The following FER1L5 variants were observed in gnomAD, a reference collection of about 807,000 sequenced individuals.
FER1L5 encodes fer-1-like protein 5.
In FER1L5, 187 loss-of-function variants were observed where a neutral mutation model predicts 279.9. That is an observed-to-expected ratio of 0.67 (90% confidence interval 0.59 to 0.75). The LOEUF (loss-of-function observed/expected upper bound fraction) is 0.75. Ranked by LOEUF, FER1L5 falls within the 30% of genes least tolerant of loss-of-function variation. The probability of loss-of-function intolerance (pLI) is 0.00; values close to 1 mark genes in which losing one functional copy is unlikely to be tolerated. For synonymous variants in FER1L5, 921 were observed against 989.7 expected, an observed-to-expected ratio of 0.93 and a Z score of 1.30; for missense variants, 2,091 against 2,594.4, an observed-to-expected ratio of 0.81 and a Z score of 4.21.
intron 18 of FER1L5, among the ~76,000 whole-genome samples, chr2:96,671,673 G>A (rs755307582): frequency 5.3e-5 from 8 of 152,236 alleles, no homozygotes; most frequent in Non-Finnish European, 1.2e-4. Context: ...AGGAGAGTAG[G>A]TGGAATGAAA....
At chr2:96,646,647 G>C (rs955470861) in intron 2 of FER1L5, among the ~76,000 whole-genome samples, 194 bp downstream of exon 2, 8 of 152,122 alleles carry the variant, frequency 5.3e-5, no homozygotes, top group Non-Finnish European at 1.2e-4. Context: ...ACCTGCCCAC[G>C]ACTGTTCGTG....
At chr2:96,669,241 C>T in intron 17 of FER1L5, 104 bp downstream of exon 17, 1 of 1,132,818 alleles carries the variant, frequency 8.8e-7, no homozygotes, top group South Asian at 1.6e-5. Context: ...TGGTTTCTGT[C>T]CCTCGGGGTC....
At position 96,692,170 on chromosome 2, in the gene FER1L5, T is replaced by A; in HGVS notation, c.3281T>A (p.Leu1094Gln). The A allele has an allele frequency of 6.4e-7, 1 of 1,551,622 alleles. No homozygotes were observed. Among genetic ancestry groups the A allele is most frequent in the Non-Finnish European group, 8.7e-7 (1 of 1,146,958 alleles). ...QARNLVSNQI[L>Q]TFQGPFIRVV... ...CGGAACCTGGTGTCCAATCAGATCC[T>A]GACATTCCAAGGTAGGTGGCAGGCA... Residue 1094 changes from leucine (L) to glutamine (Q), a missense_variant, in exon 31 of 53, where the codon CTG (leucine) becomes CAG (glutamine). Leu to Gln is a moderately radical substitution (Grantham distance 113). Transcript: ENST00000624922.
Position 96,682,529 on chromosome 2 carries a change from T to C in FER1L5, c.1670-1798T>C, listed in dbSNP as rs116429137. On this transcript the variant is annotated intron_variant, in intron 19 of 52. Transcript: ENST00000624922. ...TGGGCATATACAGGAGCGGAGTTGA[T>C]GGGTTAGGACTATGTACACTGGTTC... is the stretch of plus-strand genomic sequence containing the variant. 9.9e-4 allele frequency among the ~76,000 whole-genome samples: 151 copies of C among 152,322 alleles called. 2 individuals carry two copies. Among genetic ancestry groups the C allele is most frequent in the East Asian group, 3.1e-3 (16 of 5,182 alleles).
At chr2:96,675,124 A>AT (rs2076465151) in intron 19 of FER1L5, among the ~76,000 whole-genome samples, 1 of 152,212 alleles carries the variant, frequency 6.6e-6, no homozygotes, top group African/African-American at 2.4e-5. Context: ...TGTGTACTGC[A>AT]GTTCATTTTC....
At chr2:96,690,614 A>G (rs1204445687) in intron 27 of FER1L5, 25 bp downstream of exon 27, 4 of 1,543,162 alleles carry the variant, frequency 2.6e-6, no homozygotes, top group African/African-American at 2.7e-5. Context: ...CAGGGTTGGG[A>G]TCGGGAGAGA....
rs995879417 is a variant in FER1L5 at position 96,673,099 on chromosome 2, A to G, written c.1514A>G (p.Tyr505Cys). ...RIEKHQNRQK[Y>C]GLCVIFLSCT... is the part of the protein sequence containing the mutation. Reference sequence around the variant, plus strand: ...CAGAAGCACCAGAACCGCCAAAAGTATGGGCTGTGCGTCATCTTCCTTTCC... The same window carrying G: ...CAGAAGCACCAGAACCGCCAAAAGTGTGGGCTGTGCGTCATCTTCCTTTCC... The change falls in exon 19 of 53, where the codon TAT (tyrosine) becomes TGT (cysteine). Residue 505 changes from tyrosine (Y) to cysteine (C), a missense_variant. By Grantham distance (194) the Tyr-to-Cys change is radical. Coordinates refer to ENST00000624922, the MANE Select transcript of FER1L5 (RefSeq NM_001293083.2). 2.6e-6 allele frequency: 4 copies of G among 1,551,400 alleles called. No homozygotes were observed. Among genetic ancestry groups the G allele is most frequent in the East Asian group, 2.4e-5 (1 of 40,930 alleles).
chr2:96,698,659 T>TC lies in FER1L5; in HGVS notation c.4357-6dup. The TC allele has an allele frequency of 2.5e-6, 4 of 1,568,680 alleles. No individual in the cohort carries two copies. The highest frequency in any genetic ancestry group is 1.7e-6 in the Non-Finnish European group (2 of 1,156,700). On this transcript the variant is annotated splice_polypyrimidine_tract_variant and intron_variant, in intron 40 of 52. Transcript: ENST00000624922. This position sits in a 1 kb window ranked among gnomAD's most constrained non-coding sequence, Gnocchi z 5.5. ...CTGCCAGGCTGGGCCCCCAACACCCTCCCCCCGCCAGGGCCTTTTCCGCAT... is the reference window on the plus strand; with the variant it reads ...CTGCCAGGCTGGGCCCCCAACACCCTCCCCCCCGCCAGGGCCTTTTCCGCAT...
intron 19 of FER1L5, among the ~76,000 whole-genome samples, chr2:96,682,590 C>A (rs1016271481): frequency 6.6e-6 from 1 of 152,240 alleles, no homozygotes; most frequent in Non-Finnish European, 1.5e-5. Context: ...TGTGGGCATT[C>A]TCTGAGGTCT....
chr2:96,668,998 AC>A, intron 16 of FER1L5, 30 bp downstream of exon 16: 1 of 1,550,784 alleles, frequency 6.4e-7, no homozygotes, highest in East Asian at 2.4e-5. Context: ...CACTTCCTAC[AC>A]CCCTCGTCCT....
At chr2:96,669,217 C>G in intron 17 of FER1L5, 80 bp downstream of exon 17, 1 of 1,365,014 alleles carries the variant, frequency 7.3e-7, no homozygotes, top group South Asian at 1.4e-5. Flanking sequence ...GGACGTGCCC[C>G]GAGGCCCCGG....
At chr2:96,661,907 G>A in intron 12 of FER1L5, 116 bp downstream of exon 12, 1 of 1,420,112 alleles carries the variant, frequency 7.0e-7, no homozygotes, top group Non-Finnish European at 9.5e-7. Flanking sequence ...TTGGGGTAGG[G>A]GGGACAGGGT....
rs760653199 is a variant in FER1L5, at chr2:96,696,068, G to T, written c.4074G>T (p.Lys1358Asn). Residue 1358 changes from lysine to asparagine, a missense_variant, in exon 37 of 53, where the codon AAG (lysine) becomes AAT (asparagine). Transcript: ENST00000624922. ...HPKLPTLSEK[K>N]HQDFLGYLYR... ...CCCGCACAGCGCTGTCTGAGAAGAA[G>T]CACCAAGACGTAAGTAAGGGCTGCA... 1.2e-6 allele frequency: 2 copies of T among 1,613,884 alleles called. No individual in the cohort carries two copies. Among genetic ancestry groups the T allele is most frequent in the African/African-American group, 1.3e-5 (1 of 75,064 alleles).
chr2:96,691,565 A>T lies in FER1L5; in HGVS notation c.3028A>T (p.Asn1010Tyr). ...CTGCTGGCGCCGCAGGCTGGCCCCC[A>T]ACAAGGACAAGGGCATCGCGCCCAT... is the stretch of plus-strand genomic sequence containing the variant. ...RRCWRRRLAPNKDKGIAPIFL... is the reference protein window; with the variant it reads ...RRCWRRRLAPYKDKGIAPIFL... The change falls in exon 29 of 53, where the codon AAC (asparagine) becomes TAC (tyrosine). Residue 1010 changes from asparagine to tyrosine, a missense_variant. By Grantham distance (143) the Asn-to-Tyr change is moderately radical. Coordinates refer to ENST00000624922, the MANE Select transcript of FER1L5 (RefSeq NM_001293083.2). This position sits in a 1 kb window ranked among gnomAD's most constrained non-coding sequence, Gnocchi z 6.0. 1 of 1,548,546 alleles carries T rather than the reference A, an allele frequency of 6.5e-7. No individual in the cohort carries two copies. The highest frequency in any genetic ancestry group is 8.7e-7 in the Non-Finnish European group (1 of 1,145,768).
At chr2:96,692,252 C>T (rs909454948) in intron 31 of FER1L5, 71 bp downstream of exon 31, 30 of 1,506,440 alleles carry the variant, frequency 2.0e-5, no homozygotes, top group Admixed American at 3.9e-5. Flanking sequence ...TGTGTTCCTG[C>T]AGCAGCCAAG....
intron 6 of FER1L5, among the ~76,000 whole-genome samples, chr2:96,651,253 T>TTC (rs1491013387): frequency 1.6e-5 from 2 of 127,842 alleles, no homozygotes; most frequent in South Asian, 5.0e-4. Context: ...CTTTCTTTCT[T>TTC]TCTTTCTTTC....
At chr2:96,643,359 A>T (rs1010924344) in intron 1 of FER1L5, among the ~76,000 whole-genome samples, 33 of 151,586 alleles carry the variant, frequency 2.2e-4, no homozygotes, top group Admixed American at 2.0e-3. Flanking sequence ...TTTATTTTTT[A>T]TTTTTTTTGA....
In FER1L5 at chr2:96,694,168, A is replaced by G. The variant is rs2077269254; in HGVS notation, c.3636+96A>G. ...GGGGGCCAACTCCACCCTGTCAGGA[A>G]ATGCCTGGGGCCCAGGATCCCGAGC... On this transcript the variant is annotated intron_variant, in intron 33 of 52. Transcript: ENST00000624922. The surrounding 1 kb of genome is among the most constrained non-coding windows in gnomAD (Gnocchi z 4.6). 1.5e-5 allele frequency: 21 copies of G among 1,446,206 alleles called. No individual in the cohort carries two copies. In the South Asian group the frequency reaches 3.0e-4, roughly 20 times the overall value. 89.6% of individuals were successfully genotyped at this position (1,446,206 alleles called of 1,614,324 possible).
chr2:96,673,097 G>A lies in FER1L5; in HGVS notation c.1512G>A (p.Lys504=), dbSNP rs1407927959. 2.6e-6 allele frequency: 4 copies of A among 1,551,428 alleles called. No individual in the cohort carries two copies. In the East Asian group the frequency reaches 9.8e-5, roughly 38 times the overall value. The change falls in exon 19 of 53, where the codon AAG becomes AAA. Residue 504 remains lysine, a synonymous_variant. Coordinates refer to ENST00000624922, the MANE Select transcript of FER1L5 (RefSeq NM_001293083.2). ...TRIEKHQNRQ[K]YGLCVIFLSC... ...TTCAGAAGCACCAGAACCGCCAAAA[G>A]TATGGGCTGTGCGTCATCTTCCTTT...
Sources: gnomAD v4.1 joint callset for allele counts (sites outside exome capture counted in the v4.1 genomes callset) on GRCh38, gnomAD v4.1.1 for gene constraint, Gnocchi (gnomAD v3.1) non-coding constraint, MANE v1.5 for transcripts, NCBI Gene and HGNC (gene_info 2026-07-23, HGNC 2026-07-21) for gene names.